Variants in CAMK1D observed in about 807,000 individuals in gnomAD.
CAMK1D encodes the protein calcium/calmodulin-dependent protein kinase type 1D.
CAMK1D carries 9 observed loss-of-function variants against 47.7 expected under a neutral mutation model. The observed-to-expected ratio is 0.19, with a 90% CI of 0.11 to 0.33. The LOEUF is 0.33. Among genes scored for constraint, CAMK1D ranks in the 10% least tolerant of loss-of-function variants. CAMK1D has a pLI of 1.00. For missense variants in CAMK1D, 291 were observed against 488.7 expected, an observed-to-expected ratio of 0.60 and a Z score of 3.81; for synonymous variants, 184 against 184.9, an observed-to-expected ratio of 0.99 and a Z score of 0.04.
At chr10:12,782,981 GTTTTTTTTT>G (rs869155068) in intron 5 of CAMK1D, among the ~76,000 whole-genome samples, 1 of 134,848 alleles carries the variant, frequency 7.4e-6, no homozygotes, top group Non-Finnish European at 1.6e-5. Context: ...AGTATTTTCA[GTTTTTTTTT>G]TTTTTGTTTT....
At chr10:12,416,462 C>G (rs1435806883) in intron 1 of CAMK1D, among the ~76,000 whole-genome samples, 1 of 152,156 alleles carries the variant, frequency 6.6e-6, no homozygotes, top group African/African-American at 2.4e-5. Context: ...TAGCACAGAA[C>G]AGGGGTTGGA....
At chr10:12,699,271 G>A (rs1000902597) in intron 3 of CAMK1D, among the ~76,000 whole-genome samples, 3 of 152,182 alleles carry the variant, frequency 2.0e-5, no homozygotes, top group Admixed American at 1.3e-4. Flanking sequence ...CAAAAGAACT[G>A]TGATCATGTC....
At chr10:12,594,933 A>G (rs1225914747) in intron 2 of CAMK1D, among the ~76,000 whole-genome samples, 2 of 152,172 alleles carry the variant, frequency 1.3e-5, no homozygotes, top group African/African-American at 4.8e-5. Flanking sequence ...GAAAGCAGAA[A>G]TGATTCCAGC....
At chr10:12,511,245 G>T (rs1179949504) in intron 1 of CAMK1D, among the ~76,000 whole-genome samples, 1 of 152,104 alleles carries the variant, frequency 6.6e-6, no homozygotes, top group Admixed American at 6.5e-5. Context: ...GACCTGGTAG[G>T]GCTGGAGGCC....
intron 2 of CAMK1D, among the ~76,000 whole-genome samples, chr10:12,646,010 G>A (rs1465770866): frequency 6.9e-6 from 1 of 145,924 alleles, no homozygotes; most frequent in Non-Finnish European, 1.5e-5. Flanking sequence ...ATTGTAAATA[G>A]TATTTCTGTT....
chr10:12,361,009 A>G (rs987082431), intron 1 of CAMK1D, among the ~76,000 whole-genome samples: 1 of 152,130 alleles, frequency 6.6e-6, no homozygotes, highest in African/African-American at 2.4e-5. Flanking sequence ...AACAACAACA[A>G]CAGCAACAAC....
At chr10:12,557,844 C>A (rs368327697) in intron 2 of CAMK1D, among the ~76,000 whole-genome samples, 4 of 152,172 alleles carry the variant, frequency 2.6e-5, no homozygotes, top group Non-Finnish European at 5.9e-5. Flanking sequence ...TGCCTGCCCC[C>A]CTTTATGCTG....
chr10:12,565,297 C>G (rs1441673668), intron 2 of CAMK1D, among the ~76,000 whole-genome samples: 1 of 149,020 alleles, frequency 6.7e-6, no homozygotes, highest in Admixed American at 6.7e-5. Context: ...GTCACCCAGG[C>G]TGGAGTGCAG....
intron 3 of CAMK1D, among the ~76,000 whole-genome samples, chr10:12,746,788 G>T (rs1396702159): frequency 6.6e-6 from 1 of 152,174 alleles, no homozygotes; most frequent in Non-Finnish European, 1.5e-5. Context: ...ACAGCTGGGG[G>T]CATCGCTTTC....
At chr10:12,667,314 A>T (rs1399502412) in intron 3 of CAMK1D, among the ~76,000 whole-genome samples, 1 of 152,240 alleles carries the variant, frequency 6.6e-6, no homozygotes, top group African/African-American at 2.4e-5. Context: ...TTCGTGCCAG[A>T]CATAAGAGAA....
chr10:12,651,319 G>A lies in CAMK1D; in HGVS notation c.225-15417G>A, dbSNP rs529419439. On this transcript the variant is annotated intron_variant, in intron 2 of 10. Coordinates refer to ENST00000619168, the MANE Select transcript of CAMK1D (RefSeq NM_153498.4). Reference sequence around the variant, plus strand: ...GACATTTATGCCTACATACAGACAGGTGTGTGTATGCGCACATCTCCGCCT... The same window carrying A: ...GACATTTATGCCTACATACAGACAGATGTGTGTATGCGCACATCTCCGCCT... 1.1e-4 allele frequency among the ~76,000 whole-genome samples: 16 copies of A among 152,302 alleles called. No homozygotes were observed. In the East Asian group the frequency reaches 2.3e-3, roughly 22 times the overall value.
chr10:12,690,533 G>C (rs901104966), intron 3 of CAMK1D, among the ~76,000 whole-genome samples: 1 of 152,146 alleles, frequency 6.6e-6, no homozygotes, highest in Non-Finnish European at 1.5e-5. Context: ...AAACATATAT[G>C]TAACACACAT....
intron 3 of CAMK1D, among the ~76,000 whole-genome samples, chr10:12,719,355 C>T (rs1245311855): frequency 6.6e-6 from 1 of 150,714 alleles, no homozygotes; most frequent in Non-Finnish European, 1.5e-5. Context: ...TGCAGTGAGC[C>T]GAGATCACAC....
chr10:12,675,577 A>G (rs1380867094), intron 3 of CAMK1D, among the ~76,000 whole-genome samples: 1 of 152,022 alleles, frequency 6.6e-6, no homozygotes, highest in Non-Finnish European at 1.5e-5. Flanking sequence ...AAACACAACC[A>G]CTTTTCCTCG....
chr10:12,361,264 T>C (rs1218321943), intron 1 of CAMK1D, among the ~76,000 whole-genome samples: 1 of 120,926 alleles, frequency 8.3e-6, no homozygotes, highest in Non-Finnish European at 1.8e-5. Flanking sequence ...TTTTTTTTTT[T>C]GAGATGGAGT....
At chr10:12,446,590 C>G (rs1420054144) in intron 1 of CAMK1D, among the ~76,000 whole-genome samples, 4 of 152,172 alleles carry the variant, frequency 2.6e-5, no homozygotes, top group Admixed American at 2.0e-4. Flanking sequence ...TAGGTCTCAG[C>G]CTCATTTTAC....
At chr10:12,819,249 C>T (rs1024885460) in intron 8 of CAMK1D, among the ~76,000 whole-genome samples, 6 of 152,210 alleles carry the variant, frequency 3.9e-5, no homozygotes, top group Admixed American at 3.9e-4. Context: ...AGGCTTGCCC[C>T]AGGCCAGCGG....
chr10:12,404,799 G>A (rs927053057), intron 1 of CAMK1D, among the ~76,000 whole-genome samples: 2 of 151,208 alleles, frequency 1.3e-5, no homozygotes, highest in Admixed American at 1.3e-4. Context: ...GGTGATTCTC[G>A]TGCCTCAGTC....
intron 3 of CAMK1D, among the ~76,000 whole-genome samples, chr10:12,685,418 T>C (rs1422889047): frequency 6.6e-6 from 1 of 152,256 alleles, no homozygotes; most frequent in African/African-American, 2.4e-5. Flanking sequence ...TATCTGAGTT[T>C]CTGCATCTTT....
Sources: allele counts gnomAD v4.1 joint callset (sites outside exome capture counted in the v4.1 genomes callset), GRCh38; gene constraint gnomAD v4.1.1; transcripts MANE v1.5; gene names NCBI Gene and HGNC (gene_info 2026-07-23, HGNC 2026-07-21).